AGBL4: variants seen among roughly 807,000 people sequenced by gnomAD.
The protein encoded by AGBL4 is cytosolic carboxypeptidase 6.
A neutral mutation model predicts 66.4 loss-of-function variants in AGBL4; 58 were observed. The ratio of observed to expected loss-of-function variants is 0.87; its 90% CI spans 0.71 to 1.09. The LOEUF is 1.09. Among genes scored for constraint, AGBL4 ranks in the 50% least tolerant of loss-of-function variants. AGBL4 has a pLI of 0.00. For missense variants in AGBL4, 579 were observed against 631.0 expected (o/e 0.92, Z 0.88); for synonymous variants, 234 against 222.9 (o/e 1.05, Z -0.44).
At chr1:49,356,992 C>T (rs561095428) in intron 3 of AGBL4, among the ~76,000 whole-genome samples, 6 of 152,326 alleles carry the variant, frequency 3.9e-5, no homozygotes, top group Non-Finnish European at 5.9e-5. Flanking sequence ...GCAACTCCAA[C>T]AAGAAATGTT....
At chr1:49,539,498 T>TC (rs1651846117) in intron 3 of AGBL4, among the ~76,000 whole-genome samples, 1 of 152,164 alleles carries the variant, frequency 6.6e-6, no homozygotes, top group Admixed American at 6.6e-5. Flanking sequence ...TTAATGTCCT[T>TC]CTGTTTTGGC....
At chr1:49,317,098 AC>A (rs1645052288) in intron 3 of AGBL4, among the ~76,000 whole-genome samples, 1 of 151,916 alleles carries the variant, frequency 6.6e-6, no homozygotes, top group Non-Finnish European at 1.5e-5. Context: ...ATGGAGAGAA[AC>A]AAAAAAGTAA....
At chr1:49,509,518 A>T (rs1345294643) in intron 3 of AGBL4, among the ~76,000 whole-genome samples, 6 of 151,972 alleles carry the variant, frequency 3.9e-5, no homozygotes, top group African/African-American at 1.4e-4. Flanking sequence ...TTTATAACTA[A>T]TGAGTAGTGA....
chr1:48,629,782 G>A (rs927007789), intron 9 of AGBL4, among the ~76,000 whole-genome samples: 12 of 152,184 alleles, frequency 7.9e-5, no homozygotes, highest in African/African-American at 2.9e-4. Context: ...AGGTTGCAGG[G>A]AAATCTCTGT....
intron 4 of AGBL4, among the ~76,000 whole-genome samples, chr1:49,141,251 C>T (rs895895996): frequency 6.6e-6 from 1 of 151,998 alleles, no homozygotes; most frequent in South Asian, 2.1e-4. Context: ...ATATTTTATG[C>T]ATTCATTCAT....
At chr1:48,851,389 C>G (rs1372919512) in intron 6 of AGBL4, among the ~76,000 whole-genome samples, 3 of 152,180 alleles carry the variant, frequency 2.0e-5, no homozygotes, top group Non-Finnish European at 4.4e-5. Flanking sequence ...CTGAAACAAT[C>G]TCTGCTGGTT....
intron 4 of AGBL4, among the ~76,000 whole-genome samples, chr1:49,143,064 C>T (rs1646149198): frequency 6.6e-6 from 1 of 152,126 alleles, no homozygotes; most frequent in Admixed American, 6.6e-5. Context: ...AAATGTTGCT[C>T]CCCCTGAGAC....
intron 11 of AGBL4, among the ~76,000 whole-genome samples, chr1:48,542,614 A>G (rs894177364): frequency 1.3e-5 from 2 of 152,184 alleles, no homozygotes; most frequent in Middle Eastern, 3.4e-3. Context: ...TTTTTTTCAT[A>G]TGTTTGTCAG....
chr1:49,815,789 T>G (rs771276731), intron 2 of AGBL4, among the ~76,000 whole-genome samples: 7 of 152,334 alleles, frequency 4.6e-5, no homozygotes, highest in Admixed American at 6.5e-5. Flanking sequence ...CCTTTTCATA[T>G]GCCTGTTTGC....
At chr1:48,763,622 C>T (rs1464343676) in intron 6 of AGBL4, among the ~76,000 whole-genome samples, 1 of 152,132 alleles carries the variant, frequency 6.6e-6, no homozygotes, top group Non-Finnish European at 1.5e-5. Context: ...GTCTGACATG[C>T]AGAGCCACCA....
chr1:49,257,697 C>T (rs1295467763), intron 3 of AGBL4, among the ~76,000 whole-genome samples: 1 of 152,218 alleles, frequency 6.6e-6, no homozygotes, highest in Non-Finnish European at 1.5e-5. Flanking sequence ...CACTGTCTGG[C>T]ACTCCCCAGT....
At chr1:49,272,869 C>T (rs1361231324) in intron 3 of AGBL4, among the ~76,000 whole-genome samples, 1 of 151,846 alleles carries the variant, frequency 6.6e-6, no homozygotes, top group Non-Finnish European at 1.5e-5. Context: ...TTTTAATAAT[C>T]TATAGTAAAT....
At chr1:49,640,755 C>T (rs1645765178) in intron 3 of AGBL4, among the ~76,000 whole-genome samples, 1 of 152,126 alleles carries the variant, frequency 6.6e-6, no homozygotes, top group South Asian at 2.1e-4. Context: ...AGAACATTTA[C>T]TTATACTTTA....
intron 6 of AGBL4, among the ~76,000 whole-genome samples, chr1:48,855,064 C>T (rs1647115718): frequency 6.6e-6 from 1 of 152,120 alleles, no homozygotes; most frequent in South Asian, 2.1e-4. Flanking sequence ...CTTATATAGT[C>T]CCTGTGCCTT....
intron 3 of AGBL4, among the ~76,000 whole-genome samples, chr1:49,271,361 T>G (rs1411929667): frequency 6.6e-6 from 1 of 152,010 alleles, no homozygotes; most frequent in South Asian, 2.1e-4. Flanking sequence ...GTTCTAGATC[T>G]TATGAGGTAG....
intron 11 of AGBL4, chr1:48,585,821 T>A (rs1008971721): frequency 6.6e-6 from 1 of 152,158 alleles, no homozygotes; most frequent in Non-Finnish European, 1.5e-5. Context: ...CAAACACACA[T>A]ACAAACAGAG....
chr1:49,974,589 T>C (rs931933563), intron 1 of AGBL4, among the ~76,000 whole-genome samples: 3 of 152,170 alleles, frequency 2.0e-5, no homozygotes, highest in Non-Finnish European at 4.4e-5. Context: ...AGAAATCTGG[T>C]ACTGATGATC....
intron 2 of AGBL4, among the ~76,000 whole-genome samples, chr1:49,756,420 CACAA>C (rs1348246694): frequency 1.3e-5 from 2 of 152,174 alleles, no homozygotes; most frequent in African/African-American, 4.8e-5. Context: ...AAAATTGCTC[CACAA>C]TAGATTTGAG....
intron 5 of AGBL4, among the ~76,000 whole-genome samples, chr1:48,943,783 T>C (rs1209272532): frequency 2.6e-5 from 4 of 152,048 alleles, no homozygotes; most frequent in Non-Finnish European, 5.9e-5. Flanking sequence ...GTTGTTGTTG[T>C]GGCTGGTGGT....
Sources: allele counts gnomAD v4.1 joint callset (sites outside exome capture counted in the v4.1 genomes callset), GRCh38; gene constraint gnomAD v4.1.1; transcripts MANE v1.5; gene names NCBI Gene and HGNC (gene_info 2026-07-23, HGNC 2026-07-21).